NCKAP1: variants seen among roughly 807,000 people sequenced by gnomAD.
NCKAP1 encodes nck-associated protein 1.
A neutral mutation model predicts 151.2 loss-of-function variants in NCKAP1; 21 were observed. The ratio of observed to expected loss-of-function variants is 0.14; its 90% CI spans 0.10 to 0.20. The LOEUF (loss-of-function observed/expected upper bound fraction) is 0.20, where lower values mean the gene tolerates loss of function less well. Ranked by LOEUF, NCKAP1 falls within the 10% of genes least tolerant of loss-of-function variation. NCKAP1 has a pLI of 1.00. For synonymous variants in NCKAP1, 484 were observed against 451.8 expected, an observed-to-expected ratio of 1.07 and a Z score of -0.90; for missense variants, 933 against 1,352.1, an observed-to-expected ratio of 0.69 and a Z score of 4.86.
chr2:182,983,045 G>C, intron 11 of NCKAP1, 118 bp from the exon 12 acceptor site: 1 of 782,928 alleles, frequency 1.3e-6, no homozygotes, highest in Non-Finnish European at 2.0e-6. Flanking sequence ...AAAGAGTGAA[G>C]AGACTAACAG....
At chr2:182,980,064 G>T (rs1242712995) in intron 13 of NCKAP1, among the ~76,000 whole-genome samples, 1 of 151,884 alleles carries the variant, frequency 6.6e-6, no homozygotes, top group African/African-American at 2.4e-5. Context: ...CAGGAATTCT[G>T]GTTTACTTTT....
rs184494103 is a variant in NCKAP1 at position 182,978,426 on chromosome 2, T to C, written c.1423+408A>G. Among the ~76,000 whole-genome samples the C allele has an allele frequency of 1.2e-3, 190 of 152,012 alleles. 2 individuals are homozygous for C. The highest frequency in any genetic ancestry group is 4.4e-3 in the African/African-American group (184 of 41,454). On this transcript the variant is annotated intron_variant, in intron 14 of 30. Coordinates refer to ENST00000361354, the MANE Select transcript of NCKAP1 (RefSeq NM_013436.5). ...GCGAGGTTAACCCTCAAACCCAGAG[T>C]TTCCAAATCTGTCAAAAGTAATAAC...
intron 18 of NCKAP1, among the ~76,000 whole-genome samples, chr2:182,960,710 A>G (rs1697429002): frequency 6.6e-6 from 1 of 152,378 alleles, no homozygotes; most frequent in East Asian, 1.9e-4. Context: ...AGCAATAGCA[A>G]CAAAAGCCAA....
rs1696597988 is a variant in NCKAP1 at position 182,924,253 on chromosome 2, A to C, written c.*1449T>G. 1 of 152,204 alleles carries C rather than the reference A, an allele frequency of 6.6e-6. No homozygotes were observed. Among genetic ancestry groups the C allele is most frequent in the African/African-American group, 2.4e-5 (1 of 41,458 alleles). 9.4% of individuals were successfully genotyped at this position (152,204 alleles called of 1,614,324 possible). On this transcript the variant is annotated 3_prime_UTR_variant, in exon 31 of 31. Transcript: ENST00000361354. ...AATAGCATAATCTCATAGTACTTCA[A>C]TTTCATTCTACTCTCTATGTTTGAA...
intron 23 of NCKAP1, among the ~76,000 whole-genome samples, chr2:182,946,314 G>A (rs7562515): frequency 0.61 from 93,212 of 151,798 alleles, 31,929 homozygotes; most frequent in East Asian, 0.86. Context: ...CCAGGAGAAT[G>A]GCGTGAACCT....
At chr2:183,006,304 A>G (rs749518369) in intron 2 of NCKAP1, among the ~76,000 whole-genome samples, 10 of 152,246 alleles carry the variant, frequency 6.6e-5, no homozygotes, top group Non-Finnish European at 1.3e-4. Context: ...AATGTACATA[A>G]GAATATGTAG....
rs1364872696 is a variant in NCKAP1 at position 182,915,097 on chromosome 2, G to A, written c.*10605C>T. On this transcript the variant is annotated 3_prime_UTR_variant, in exon 31 of 31. Transcript: ENST00000361354. ...ACAGACAGGCAGTGAAACTCATGCT[G>A]AGGACTCATCTTCTGTACACACTTT... 6.6e-6 allele frequency: 1 copy of A among 152,164 alleles called. No homozygotes were observed. Among genetic ancestry groups the A allele is most frequent in the Non-Finnish European group, 1.5e-5 (1 of 68,038 alleles). The allele number at this position is 152,164 out of a possible 1,614,324, so 9.4% of individuals were successfully genotyped here.
chr2:183,003,109 T>C (rs41270219), intron 3 of NCKAP1, 79 bp from the exon 4 acceptor site: 5 of 1,365,778 alleles, frequency 3.7e-6, no homozygotes, highest in Admixed American at 4.2e-5. Context: ...ATAAGGTATG[T>C]GTTAAACTTC....
At chr2:182,957,381 G>T in intron 19 of NCKAP1, 76 bp downstream of exon 19, 1 of 1,437,518 alleles carries the variant, frequency 7.0e-7, no homozygotes, top group Non-Finnish European at 9.4e-7. Context: ...CATTTCCTCA[G>T]TACTAATGTC....
chr2:182,960,803 G>C (rs765699953), intron 18 of NCKAP1, among the ~76,000 whole-genome samples: 2 of 152,118 alleles, frequency 1.3e-5, no homozygotes, highest in African/African-American at 4.8e-5. Context: ...GCAACCTAAA[G>C]AATGGGAGAA....
In NCKAP1 at chr2:182,964,649, T is replaced by A. The variant is rs201052794; in HGVS notation, c.1761+27A>T. 7.2e-5 allele frequency: 110 copies of A among 1,530,074 alleles called. No homozygotes were observed. In the African/African-American group the frequency reaches 1.4e-3, roughly 19 times the overall value. The allele number at this position is 1,530,074 out of a possible 1,614,324, so 94.8% of individuals were successfully genotyped here. Reference sequence around the variant, plus strand: ...GATCTAGTTTACTTTGCATACCATATAACTCACAGTAGTACACTATAATTA... The same window carrying A: ...GATCTAGTTTACTTTGCATACCATAAAACTCACAGTAGTACACTATAATTA... On this transcript the variant is annotated intron_variant, in intron 17 of 30. Transcript: ENST00000361354.
chr2:182,926,701 CGTGAA>C lies in NCKAP1; in HGVS notation c.3270+110_3270+114del, dbSNP rs1388633618. The C allele has an allele frequency of 2.6e-5, 16 of 626,834 alleles. 1 individual carries two copies. The highest frequency in any genetic ancestry group is 1.6e-4 in the South Asian group (7 of 44,670). The allele number at this position is 626,834 out of a possible 1,614,324, so 38.8% of individuals were successfully genotyped here. The stretch of plus-strand genomic sequence containing the variant: ...GCAAATTTTAGAAAGGTGTGGCTTA[CGTGAA>C]GTGAACAAAAGGGATCAAAAAAAGT... On this transcript the variant is annotated intron_variant, in intron 30 of 30. Coordinates refer to ENST00000361354, the MANE Select transcript of NCKAP1 (RefSeq NM_013436.5).
At position 182,935,443 on chromosome 2, in the gene NCKAP1, A is replaced by G. The variant is rs1696854254; in HGVS notation, c.2696-68T>C. On this transcript the variant is annotated intron_variant, in intron 24 of 30. Transcript: ENST00000361354. ...GAACTGGATTCTTTCTTAAACTTGGAAAAAAATCTAAATTTATTAAAGTAA... is the reference window on the plus strand; with the variant it reads ...GAACTGGATTCTTTCTTAAACTTGGGAAAAAATCTAAATTTATTAAAGTAA... The G allele has an allele frequency of 5.7e-6, 5 of 872,430 alleles. No individual in the cohort carries two copies. In the East Asian group the frequency reaches 8.9e-5, roughly 15 times the overall value. The allele number at this position is 872,430 out of a possible 1,614,324, so 54.0% of individuals were successfully genotyped here.
At chr2:182,935,731 G>A (rs1020564114) in intron 24 of NCKAP1, among the ~76,000 whole-genome samples, 12 of 151,700 alleles carry the variant, frequency 7.9e-5, no homozygotes, top group Non-Finnish European at 1.2e-4. Flanking sequence ...GGGGCAGAAA[G>A]AAGGGAAGCG....
intron 2 of NCKAP1, among the ~76,000 whole-genome samples, chr2:183,014,557 C>T (rs1698648075): frequency 2.0e-5 from 3 of 152,180 alleles, no homozygotes; most frequent in Admixed American, 2.0e-4. Context: ...GTATACTAGC[C>T]TGCATACTCT....
At chr2:182,989,956 C>A (rs1160127948) in intron 8 of NCKAP1, among the ~76,000 whole-genome samples, 1 of 151,626 alleles carries the variant, frequency 6.6e-6, no homozygotes, top group Non-Finnish European at 1.5e-5. Context: ...TGCCACTGCA[C>A]TCCGGCCTGG....
intron 4 of NCKAP1, 77 bp downstream of exon 4, chr2:183,002,897 G>T: frequency 9.7e-7 from 1 of 1,032,100 alleles, no homozygotes; most frequent in Non-Finnish European, 1.5e-6. Context: ...ACATAATCTA[G>T]CTAAAGAAAA....
rs192375196 is a variant in NCKAP1 at position 182,935,213 on chromosome 2, T to C, written c.2778+80A>G. On this transcript the variant is annotated intron_variant, in intron 25 of 30. Transcript: ENST00000361354. ...TAATTATATCATTGCTAAGCATGAA[T>C]CTGAAACTTAACTTTAAATTTCTGA... The C allele has an allele frequency of 7.7e-5, 75 of 974,530 alleles. No individual in the cohort carries two copies. In the African/African-American group the frequency reaches 1.1e-3, roughly 14 times the overall value. 60.4% of individuals were successfully genotyped at this position (974,530 alleles called of 1,614,324 possible).
chr2:182,983,088 G>A (rs1697973980), intron 11 of NCKAP1, among the ~76,000 whole-genome samples, 161 bp from the exon 12 acceptor site: 1 of 152,164 alleles, frequency 6.6e-6, no homozygotes, highest in Non-Finnish European at 1.5e-5. Context: ...AAGTATGTAT[G>A]AGAGAGAGCA....
Sources: gnomAD v4.1 joint callset for allele counts (sites outside exome capture counted in the v4.1 genomes callset) on GRCh38, gnomAD v4.1.1 for gene constraint, MANE v1.5 for transcripts, NCBI Gene and HGNC (gene_info 2026-07-23, HGNC 2026-07-21) for gene names.